The following PLB1 variants were observed in gnomAD, a reference collection of about 807,000 sequenced individuals.
PLB1 encodes phospholipase B1.
In PLB1, 242 loss-of-function variants were observed where a neutral mutation model predicts 227.4. That is an observed-to-expected ratio of 1.06 (90% confidence interval 0.96 to 1.18). The LOEUF is 1.18. PLB1 is among the 50% of genes most tolerant of loss of function. The pLI is 0.00. For synonymous variants in PLB1, 757 were observed against 682.2 expected, an observed-to-expected ratio of 1.11 and a Z score of -1.71; for missense variants, 1,858 against 1,816.3, an observed-to-expected ratio of 1.02 and a Z score of -0.42.
chr2:28,637,682 T>A (rs1467051372), intron 56 of PLB1, among the ~76,000 whole-genome samples: 4 of 152,234 alleles, frequency 2.6e-5, no homozygotes, highest in Non-Finnish European at 2.9e-5. Context: ...TACAGTCTAG[T>A]GACTCCAGCA....
At chr2:28,516,176 A>G (rs1162819322) in intron 1 of PLB1, among the ~76,000 whole-genome samples, 1 of 152,242 alleles carries the variant, frequency 6.6e-6, no homozygotes, top group Non-Finnish European at 1.5e-5. Context: ...TAAGTCAATT[A>G]CACTTTTAAA....
intron 8 of PLB1, among the ~76,000 whole-genome samples, chr2:28,530,049 G>T (rs1248598592): frequency 6.6e-6 from 1 of 152,074 alleles, no homozygotes; most frequent in African/African-American, 2.4e-5. Context: ...GGTAGAGACG[G>T]GGTTTTGCCA....
In PLB1 at chr2:28,562,540, C is replaced by CAAA. The variant is rs60393903; in HGVS notation, c.1148-484_1148-482dup. Among the ~76,000 whole-genome samples the CAAA allele has an allele frequency of 3.5e-4, 15 of 42,606 alleles. 2 individuals are homozygous for CAAA. The highest frequency in any genetic ancestry group is 1.1e-3 in the East Asian group (2 of 1,742). 28.0% of individuals were successfully genotyped at this position (42,606 alleles called of 152,430 possible). A position where few individuals can be genotyped will look rare whatever the true frequency, so the allele number is the denominator to read the frequency against. ...CTGGAGACAGAGCAAGACTCTGTCT[C>CAAA]AAAAAAAAAAAAAAAAAAAGTCAGT... On this transcript the variant is annotated intron_variant, in intron 17 of 57. Transcript: ENST00000327757.
Position 28,606,549 on chromosome 2 carries a change from C to A in PLB1, c.3111C>A (p.Pro1037=), listed in dbSNP as rs144439645. 6.2e-7 allele frequency: 1 copy of A among 1,614,064 alleles called. No individual in the cohort carries two copies. The highest frequency in any genetic ancestry group is 1.7e-5 in the Admixed American group (1 of 60,012). Residue 1037 remains proline (P), a synonymous_variant, in exon 43 of 58, where the codon CCC becomes CCA. Transcript: ENST00000327757. ...TETLDLRAEM[P]ITCPTQNEPF... The stretch of plus-strand genomic sequence containing the variant: ...CCCTGGACCTGAGAGCAGAGATGCC[C>A]ATCACCTGTCCCACTCAGGTAGTAG...
rs1690228453 is a variant in PLB1 at position 28,644,031 on chromosome 2, T to C, written c.*970T>C. Among the ~76,000 whole-genome samples the C allele has an allele frequency of 6.6e-6, 1 of 152,240 alleles. No homozygotes were observed. Among genetic ancestry groups the C allele is most frequent in the Non-Finnish European group, 1.5e-5 (1 of 68,046 alleles). On this transcript the variant is annotated 3_prime_UTR_variant, in exon 58 of 58. Coordinates refer to ENST00000327757, the MANE Select transcript of PLB1 (RefSeq NM_153021.5). Reference sequence around the variant, plus strand: ...AATCTTTGAAAATAGAAGTGATGCTTGCGCAACACCGTGAATGTACTAAAC... The same window carrying C: ...AATCTTTGAAAATAGAAGTGATGCTCGCGCAACACCGTGAATGTACTAAAC...
intron 2 of PLB1, 112 bp downstream of exon 2, chr2:28,516,981 C>A: frequency 1.9e-6 from 2 of 1,054,244 alleles, no homozygotes; most frequent in Admixed American, 1.9e-5. Flanking sequence ...CTTCCTGAGG[C>A]CTTGAGGGAA....
chr2:28,518,302 G>A (rs751843480), intron 2 of PLB1, among the ~76,000 whole-genome samples, 164 bp from the exon 3 acceptor site: 12 of 152,188 alleles, frequency 7.9e-5, no homozygotes, highest in Non-Finnish European at 1.6e-4. Flanking sequence ...TTTACCAGAT[G>A]AACTGGGTAT....
Position 28,593,876 on chromosome 2 carries a change from A to G in PLB1, c.2321+122A>G. 9.3e-6 allele frequency: 8 copies of G among 855,926 alleles called. No individual in the cohort carries two copies. In the South Asian group the frequency reaches 1.2e-4, roughly 13 times the overall value. The allele number at this position is 855,926 out of a possible 1,614,324, so 53.0% of individuals were successfully genotyped here. A position where few individuals can be genotyped will look rare whatever the true frequency, so the allele number is the denominator to read the frequency against. ...ACTTGGTCTGGAAGGGGCTTTCAGA[A>G]AGAAAAAGCTATATATTTCTGCAAA... is the stretch of plus-strand genomic sequence containing the variant. On this transcript the variant is annotated intron_variant, in intron 33 of 57. Transcript: ENST00000327757.
intron 56 of PLB1, among the ~76,000 whole-genome samples, chr2:28,635,281 A>G (rs1035040530): frequency 6.6e-6 from 1 of 152,214 alleles, no homozygotes; most frequent in African/African-American, 2.4e-5. Flanking sequence ...AACTTTTCAG[A>G]TCGGCTTCTG....
intron 16 of PLB1, among the ~76,000 whole-genome samples, chr2:28,550,347 A>AT (rs200033771): frequency 0.024 from 3,506 of 147,354 alleles, 137 homozygotes; most frequent in African/African-American, 0.081. Flanking sequence ...TAATTTTTGT[A>AT]TTTTTTTTAG....
intron 51 of PLB1, among the ~76,000 whole-genome samples, chr2:28,627,647 G>A (rs1687990631): frequency 6.6e-6 from 1 of 152,164 alleles, no homozygotes; most frequent in South Asian, 2.1e-4. Context: ...CCCTTCTGGT[G>A]GCTGTGGCCA....
chr2:28,612,353 G>A (rs997380951), intron 43 of PLB1, among the ~76,000 whole-genome samples: 22 of 152,036 alleles, frequency 1.4e-4, no homozygotes, highest in African/African-American at 5.1e-4. Context: ...GTTTTTGTTG[G>A]CCTGACCTCC....
intron 50 of PLB1, 139 bp from the exon 51 acceptor site, chr2:28,626,289 C>G: frequency 3.1e-6 from 2 of 654,384 alleles, no homozygotes; most frequent in Non-Finnish European, 5.4e-6. Flanking sequence ...AGCCACCGTG[C>G]CTGGCCCAAT....
chr2:28,630,549 C>T (rs749400818), intron 53 of PLB1, 37 bp from the exon 54 acceptor site: 3 of 1,579,716 alleles, frequency 1.9e-6, no homozygotes, highest in South Asian at 1.1e-5. Context: ...GCCACAGTGC[C>T]CCAGGCAGCC....
intron 22 of PLB1, 47 bp downstream of exon 22, chr2:28,578,205 GAGA>G: frequency 3.2e-6 from 5 of 1,583,452 alleles, no homozygotes; most frequent in South Asian, 2.2e-5. Flanking sequence ...CCTGGACACA[GAGA>G]AGATCAGCTG....
At position 28,496,648 on chromosome 2, in the gene PLB1, A is replaced by G. The variant is rs935885156; in HGVS notation, c.55+479A>G. 3.3e-5 allele frequency among the ~76,000 whole-genome samples: 5 copies of G among 152,224 alleles called. No homozygotes were observed. In the East Asian group the frequency reaches 5.8e-4, roughly 18 times the overall value. On this transcript the variant is annotated intron_variant, in intron 1 of 57. Transcript: ENST00000327757. ...GATGATAAATTCTAAAAGATTGCCT[A>G]CATTCTTTAGTGCTGCTAAACAGAG...
chr2:28,633,281 A>G (rs1688895014), intron 56 of PLB1: 4 of 501,498 alleles, frequency 8.0e-6, no homozygotes, highest in Non-Finnish European at 1.4e-5. Flanking sequence ...TCCTTCAGCA[A>G]TGCCCAGGTA....
At chr2:28,557,404 C>G (rs1389004891) in intron 17 of PLB1, among the ~76,000 whole-genome samples, 2 of 152,156 alleles carry the variant, frequency 1.3e-5, no homozygotes, top group African/African-American at 4.8e-5. Flanking sequence ...ATGTAAGTCC[C>G]TAAAATCAGA....
intron 3 of PLB1, among the ~76,000 whole-genome samples, chr2:28,519,148 T>A (rs1203203152): frequency 6.6e-6 from 1 of 152,188 alleles, no homozygotes; most frequent in Non-Finnish European, 1.5e-5. Flanking sequence ...CAGTGATTTC[T>A]AGGGAGACTT....
Sources: gnomAD v4.1 joint callset for allele counts (sites outside exome capture counted in the v4.1 genomes callset) on GRCh38, gnomAD v4.1.1 for gene constraint, MANE v1.5 for transcripts, NCBI Gene and HGNC (gene_info 2026-07-23, HGNC 2026-07-21) for gene names.